Variants in ERBIN observed in about 807,000 individuals in gnomAD.
The protein encoded by ERBIN is densin-180-like protein.
In ERBIN, 60 loss-of-function variants were observed where a neutral mutation model predicts 158.4. That is an observed-to-expected ratio of 0.38 (90% confidence interval 0.31 to 0.47). The LOEUF (loss-of-function observed/expected upper bound fraction) is 0.47. Ranked by LOEUF, ERBIN falls within the 20% of genes least tolerant of loss-of-function variation. The probability of loss-of-function intolerance (pLI) is 0.99; values close to 1 mark genes in which losing one functional copy is unlikely to be tolerated. For synonymous variants in ERBIN, 594 were observed against 557.2 expected (o/e 1.07, Z -0.93); for missense variants, 1,610 against 1,648.0 (o/e 0.98, Z 0.40).
intron 3 of ERBIN, 122 bp downstream of exon 3, chr5:65,993,029 G>C: frequency 1.5e-6 from 1 of 669,188 alleles, no homozygotes; most frequent in Non-Finnish European, 2.3e-6. Flanking sequence ...TGGTTTAATT[G>C]TATCGTAGAG....
intron 1 of ERBIN, among the ~76,000 whole-genome samples, chr5:65,968,959 A>G (rs1748962240): frequency 6.6e-6 from 1 of 152,222 alleles, no homozygotes; most frequent in South Asian, 2.1e-4. Flanking sequence ...TCTTTGTTTC[A>G]AATAAGAAGG....
At chr5:65,995,651 A>G (rs1470464332) in intron 4 of ERBIN, among the ~76,000 whole-genome samples, 1 of 152,078 alleles carries the variant, frequency 6.6e-6, no homozygotes, top group Non-Finnish European at 1.5e-5. Flanking sequence ...CAGTAGTGGG[A>G]TTGCTGGATC....
chr5:65,971,748 A>T (rs914518913), intron 1 of ERBIN, among the ~76,000 whole-genome samples: 2 of 152,212 alleles, frequency 1.3e-5, no homozygotes, highest in African/African-American at 4.8e-5. Flanking sequence ...CAGATGTTAC[A>T]GTTCCGCTAA....
intron 1 of ERBIN, among the ~76,000 whole-genome samples, chr5:65,977,641 TG>T: frequency 7.0e-6 from 1 of 143,696 alleles, no homozygotes; most frequent in Non-Finnish European, 1.5e-5. Flanking sequence ...GATGGGATGG[TG>T]GCCGGGCAGA....
chr5:66,076,978 AT>A, intron 25 of ERBIN, 29 bp downstream of exon 25: 2 of 1,283,210 alleles, frequency 1.6e-6, no homozygotes, highest in Admixed American at 2.0e-5. Flanking sequence ...TTTTTTTTTC[AT>A]TTTATAACAC....
rs551286284 is a variant in ERBIN at position 66,023,199 on chromosome 5, T to G, written c.598-91T>G. On this transcript the variant is annotated intron_variant, in intron 8 of 25. Coordinates refer to ENST00000284037, the MANE Select transcript of ERBIN (RefSeq NM_001253697.2). ...TTATTTAATGATTTGAAACTAAAGG[T>G]TATTAGAAATTCCCAGGGCTTCTTT... is the stretch of plus-strand genomic sequence containing the variant. The G allele has an allele frequency of 3.7e-5, 33 of 881,408 alleles. No individual in the cohort carries two copies. The African/African-American group carries it at 4.8e-4, about 13-fold the overall frequency. 54.6% of individuals were successfully genotyped at this position (881,408 alleles called of 1,614,324 possible). A position where few individuals can be genotyped will look rare whatever the true frequency, so the allele number is the denominator to read the frequency against.
chr5:65,928,604 TTTAG>T (rs1229731072), intron 1 of ERBIN, among the ~76,000 whole-genome samples: 2 of 152,146 alleles, frequency 1.3e-5, no homozygotes, highest in East Asian at 3.8e-4. Context: ...TATTTTTAGA[TTTAG>T]TTCTTGATTT....
At chr5:65,997,094 A>G (rs1752520498) in intron 4 of ERBIN, among the ~76,000 whole-genome samples, 2 of 152,138 alleles carry the variant, frequency 1.3e-5, no homozygotes, top group African/African-American at 4.8e-5. Context: ...CTCCTATTCT[A>G]ATTTGGAATC....
At chr5:66,071,429 C>T (rs549987001) in intron 21 of ERBIN, among the ~76,000 whole-genome samples, 6 of 152,200 alleles carry the variant, frequency 3.9e-5, no homozygotes, top group African/African-American at 1.4e-4. Context: ...TATTTTTCCC[C>T]TAAAGCTATC....
intron 4 of ERBIN, among the ~76,000 whole-genome samples, chr5:65,998,781 C>T (rs80313246): frequency 0.046 from 7,027 of 151,464 alleles, 565 homozygotes; most frequent in African/African-American, 0.16. Context: ...CCTGTGGTTC[C>T]GACTACTTCA....
chr5:66,044,184 G>T lies in ERBIN; in HGVS notation c.1476G>T (p.Lys492Asn). ...RYPTPYPDEL[K>N]NMVKTVQTIV... Reference sequence around the variant, plus strand: ...CAACACCATACCCAGATGAGCTTAAGAATATGGTCAAAACTGTTCAAACCA... The same window carrying T: ...CAACACCATACCCAGATGAGCTTAATAATATGGTCAAAACTGTTCAAACCA... The change falls in exon 17 of 26, where the codon AAG becomes AAT. Residue 492 changes from lysine to asparagine, a missense_variant. This residue lies in a region of ERBIN where 596 missense variants were observed against 711.9 expected (regional missense o/e 0.84). Coordinates refer to ENST00000284037, the MANE Select transcript of ERBIN (RefSeq NM_001253697.2). The T allele has an allele frequency of 1.3e-6, 2 of 1,599,746 alleles. No individual in the cohort carries two copies. Among genetic ancestry groups the T allele is most frequent in the South Asian group, 2.3e-5 (2 of 87,550 alleles).
Position 66,053,401 on chromosome 5 carries a change from T to C in ERBIN, c.2088-5T>C. The C allele has an allele frequency of 7.0e-7, 1 of 1,428,716 alleles. No homozygotes were observed. The allele number at this position is 1,428,716 out of a possible 1,614,324, so 88.5% of individuals were successfully genotyped here. A position where few individuals can be genotyped will look rare whatever the true frequency, so the allele number is the denominator to read the frequency against. The stretch of plus-strand genomic sequence containing the variant: ...ATGTTTTTCATAAAATTATCTTTAT[T>C]TTAGGCAAGAAGATGAAAATTTTAA... On this transcript the variant is annotated splice_polypyrimidine_tract_variant and splice_region_variant and intron_variant, in intron 20 of 25. Coordinates refer to ENST00000284037, the MANE Select transcript of ERBIN (RefSeq NM_001253697.2).
chr5:66,068,266 G>A (rs1344244675), intron 21 of ERBIN, among the ~76,000 whole-genome samples: 1 of 151,920 alleles, frequency 6.6e-6, no homozygotes, highest in Non-Finnish European at 1.5e-5. Context: ...GAGCCCAGGA[G>A]TTTGAAGCTG....
At chr5:65,928,725 A>G (rs953925046) in intron 1 of ERBIN, among the ~76,000 whole-genome samples, 2 of 152,080 alleles carry the variant, frequency 1.3e-5, no homozygotes, top group Non-Finnish European at 2.9e-5. Flanking sequence ...GGCATAATTT[A>G]CTTCGTAGTT....
chr5:66,040,327 T>A (rs983474977), intron 15 of ERBIN, among the ~76,000 whole-genome samples: 1 of 151,926 alleles, frequency 6.6e-6, no homozygotes, highest in South Asian at 2.1e-4. Context: ...CAAATCTACC[T>A]TGCCTTCTTT....
At chr5:66,068,051 G>A (rs11952032) in intron 21 of ERBIN, among the ~76,000 whole-genome samples, 3,152 of 152,162 alleles carry the variant, frequency 0.021, 113 homozygotes, top group African/African-American at 0.07. Flanking sequence ...AATGTGGTCC[G>A]GCACAGTGGC....
intron 1 of ERBIN, among the ~76,000 whole-genome samples, chr5:65,934,316 T>A (rs1743813831): frequency 6.6e-6 from 1 of 152,246 alleles, no homozygotes; most frequent in Non-Finnish European, 1.5e-5. Context: ...CATCTGAACC[T>A]CAATTATCCC....
intron 4 of ERBIN, among the ~76,000 whole-genome samples, chr5:65,998,231 AAT>A (rs528994211): frequency 2.7e-5 from 4 of 149,152 alleles, no homozygotes; most frequent in Non-Finnish European, 5.9e-5. Flanking sequence ...CTCAAAAAAA[AAT>A]ATATATATAT....
At chr5:66,012,221 A>G in intron 5 of ERBIN, 94 bp downstream of exon 5, 1 of 792,784 alleles carries the variant, frequency 1.3e-6, no homozygotes, top group Non-Finnish European at 2.0e-6. Flanking sequence ...AAAATTTTAT[A>G]TCAATCTTAA....
Sources: gnomAD v4.1 joint callset for allele counts (sites outside exome capture counted in the v4.1 genomes callset) on GRCh38, gnomAD v4.1.1 for gene constraint, gnomAD v4.1.1 regional missense constraint, MANE v1.5 for transcripts, NCBI Gene and HGNC (gene_info 2026-07-23, HGNC 2026-07-21) for gene names.